RFC3: variants seen among roughly 807,000 people sequenced by gnomAD.
RFC3 encodes replication factor C subunit 3.
In RFC3, 41 loss-of-function variants were observed where a neutral mutation model predicts 45.1. The ratio of observed to expected loss-of-function variants is 0.91; its 90% CI spans 0.71 to 1.18. The LOEUF (loss-of-function observed/expected upper bound fraction) is 1.18, where lower values mean the gene tolerates loss of function less well. Among genes scored for constraint, RFC3 ranks in the 50% most tolerant of loss-of-function variants. The pLI is 0.00. For synonymous variants in RFC3, 149 were observed against 144.0 expected (o/e 1.03, Z -0.25); for missense variants, 423 against 428.1 (o/e 0.99, Z 0.10).
intron 4 of RFC3, among the ~76,000 whole-genome samples, chr13:33,829,187 T>A (rs2139402753): frequency 6.6e-6 from 1 of 152,374 alleles, no homozygotes; most frequent in South Asian, 2.1e-4. Flanking sequence ...TTTCTGTGTA[T>A]ACATTATTCC....
chr13:33,864,599 G>C (rs2082361545), intron 8 of RFC3, among the ~76,000 whole-genome samples: 1 of 152,112 alleles, frequency 6.6e-6, no homozygotes, highest in African/African-American at 2.4e-5. Context: ...TGGAGGTCAG[G>C]GGTGACCTGG....
chr13:33,923,101 G>A (rs182932967), intron 8 of RFC3, among the ~76,000 whole-genome samples: 4 of 152,166 alleles, frequency 2.6e-5, no homozygotes, highest in African/African-American at 9.6e-5. Context: ...AAAAGCCCCC[G>A]CTCTGACTGG....
chr13:33,867,582 G>A (rs2082381696), intron 8 of RFC3, among the ~76,000 whole-genome samples: 1 of 152,192 alleles, frequency 6.6e-6, no homozygotes, highest in South Asian at 2.1e-4. Context: ...GATGAGTGTA[G>A]ATGATTCCCT....
intron 8 of RFC3, among the ~76,000 whole-genome samples, chr13:33,927,041 A>C (rs551114350): frequency 6.6e-6 from 1 of 152,196 alleles, no homozygotes; most frequent in East Asian, 1.9e-4. Context: ...AATAGATTAT[A>C]TATCATATCA....
chr13:33,873,227 G>A (rs531685661), intron 8 of RFC3, among the ~76,000 whole-genome samples: 4 of 152,296 alleles, frequency 2.6e-5, no homozygotes, highest in African/African-American at 9.6e-5. Context: ...CAGTCATTGA[G>A]TCAGAACCAA....
chr13:33,837,509 T>G (rs2082166547), downstream of RFC3: 1 of 152,146 alleles, frequency 6.6e-6, no homozygotes, highest in South Asian at 2.1e-4. Context: ...TACGTGTAAG[T>G]CTTTTTGTGG....
intron 8 of RFC3, among the ~76,000 whole-genome samples, chr13:33,950,490 A>G (rs957701556): frequency 1.3e-5 from 2 of 152,236 alleles, no homozygotes; most frequent in African/African-American, 4.8e-5. Flanking sequence ...TCTGCAAACC[A>G]TATTTAGAAA....
At chr13:33,966,292 C>G (rs1593724054) in exon 9 of RFC3, 2 of 647,690 alleles carry the variant, frequency 3.1e-6, no homozygotes, top group South Asian at 3.6e-5. Flanking sequence ...CCTCCCTGAC[C>G]CACTGTGCTG....
rs1310219532 is a variant in RFC3, at chr13:33,837,298, T to C, written c.*1003T>C. ...GAGTTTTGCCAGTTCAAGAATTTAATGGAATCAGATATTGTAAGCATTCTT... is the reference window on the plus strand; with the variant it reads ...GAGTTTTGCCAGTTCAAGAATTTAACGGAATCAGATATTGTAAGCATTCTT... On this transcript the variant is annotated 3_prime_UTR_variant, in exon 9 of 9. Transcript: ENST00000380071. 6.6e-6 allele frequency: 1 copy of C among 152,246 alleles called. No homozygotes were observed. The highest frequency in any genetic ancestry group is 1.5e-5 in the Non-Finnish European group (1 of 68,104). 9.4% of individuals were successfully genotyped at this position (152,246 alleles called of 1,614,324 possible).
intron 8 of RFC3, among the ~76,000 whole-genome samples, chr13:33,919,160 T>A (rs2082751923): frequency 6.6e-6 from 1 of 152,120 alleles, no homozygotes; most frequent in Non-Finnish European, 1.5e-5. Context: ...TGTTTTTGCC[T>A]CACCCATTCA....
chr13:33,855,517 A>G lies in RFC3; in HGVS notation c.879+20300A>G, dbSNP rs994545155. On this transcript the variant is annotated intron_variant, in intron 8 of 8. Coordinates refer to the RFC3 transcript ENST00000434425. ...AGTAATGGGATTGCTTGGTGGAATA[A>G]TAGTTCTATTTTTAGGTCTTTGAGG... 7.2e-4 allele frequency among the ~76,000 whole-genome samples: 110 copies of G among 152,252 alleles called. 1 individual carries two copies. The highest frequency in any genetic ancestry group is 2.5e-3 in the African/African-American group (105 of 41,550).
intron 8 of RFC3, among the ~76,000 whole-genome samples, chr13:33,867,046 TA>T (rs1323013314): frequency 1.3e-5 from 2 of 152,194 alleles, no homozygotes; most frequent in Non-Finnish European, 2.9e-5. Context: ...GAAGGACTGT[TA>T]CAGTAGGAAG....
intron 8 of RFC3, among the ~76,000 whole-genome samples, chr13:33,961,588 TG>T (rs1331309601): frequency 2.0e-5 from 3 of 152,136 alleles, no homozygotes; most frequent in Non-Finnish European, 4.4e-5. Flanking sequence ...GAAAAACATA[TG>T]GGCAGAGGCC....
chr13:33,946,529 C>G (rs2082955493), intron 8 of RFC3, among the ~76,000 whole-genome samples: 1 of 151,874 alleles, frequency 6.6e-6, no homozygotes. Context: ...AATAGTAAAC[C>G]CTTTACATGT....
At chr13:33,903,758 T>C (rs982041908) in intron 8 of RFC3, among the ~76,000 whole-genome samples, 7 of 152,072 alleles carry the variant, frequency 4.6e-5, no homozygotes, top group African/African-American at 1.7e-4. Flanking sequence ...CTTTCTCTTA[T>C]GGGAAATGGT....
chr13:33,866,399 G>T (rs1355716434), intron 8 of RFC3, among the ~76,000 whole-genome samples: 1 of 152,228 alleles, frequency 6.6e-6, no homozygotes, highest in Admixed American at 6.5e-5. Context: ...AGCTGGAAGG[G>T]TGTGATCCAT....
intron 8 of RFC3, among the ~76,000 whole-genome samples, chr13:33,932,246 G>A (rs949135007): frequency 1.2e-4 from 19 of 152,072 alleles, no homozygotes; most frequent in Admixed American, 9.8e-4. Flanking sequence ...ATCTGCTGTA[G>A]AGAAATTATT....
intron 8 of RFC3, among the ~76,000 whole-genome samples, chr13:33,873,960 T>A (rs1478694004): frequency 1.3e-5 from 2 of 152,230 alleles, no homozygotes; most frequent in Non-Finnish European, 2.9e-5. Context: ...AATAGACTTG[T>A]CCATCAAAAT....
chr13:33,853,885 GGAGTTGTAGAAATCT>G (rs1162637798), intron 8 of RFC3, among the ~76,000 whole-genome samples: 1 of 152,174 alleles, frequency 6.6e-6, no homozygotes, highest in East Asian at 1.9e-4. Flanking sequence ...GCTGTACCAA[GGAGTTGTAGAAATCT>G]GGACAGACTT....
Sources: allele counts gnomAD v4.1 joint callset (sites outside exome capture counted in the v4.1 genomes callset), GRCh38; gene constraint gnomAD v4.1.1; transcripts MANE v1.5; gene names NCBI Gene and HGNC (gene_info 2026-07-23, HGNC 2026-07-21).